Variants in USP10 observed in about 807,000 individuals in gnomAD.
USP10 encodes ubiquitin specific peptidase 10.
USP10 carries 22 observed loss-of-function variants against 84.5 expected under a neutral mutation model. The ratio of observed to expected loss-of-function variants is 0.26; its 90% CI spans 0.19 to 0.37. USP10 has a LOEUF of 0.37. USP10 is among the 10% of genes least tolerant of loss of function. The probability of loss-of-function intolerance (pLI) is 1.00; values close to 1 mark genes in which losing one functional copy is unlikely to be tolerated. For synonymous variants in USP10, 454 were observed against 387.6 expected (o/e 1.17, Z -2.01); for missense variants, 1,019 against 998.9 (o/e 1.02, Z -0.27).
chr16:84,777,970 T>C (rs1292188933), intron 13 of USP10, among the ~76,000 whole-genome samples: 2 of 152,180 alleles, frequency 1.3e-5, no homozygotes, highest in Non-Finnish European at 2.9e-5. Context: ...CTCTGCTCCA[T>C]AGAAGTGGAG....
Position 84,753,902 on chromosome 16 carries a change from A to G in USP10, c.1193-4814A>G, listed in dbSNP as rs540969432. 1.3e-4 allele frequency among the ~76,000 whole-genome samples: 20 copies of G among 152,346 alleles called. 1 individual carries two copies. Among genetic ancestry groups the G allele is most frequent in the African/African-American group, 4.8e-4 (20 of 41,586 alleles). On this transcript the variant is annotated intron_variant, in intron 4 of 13. Transcript: ENST00000219473. ...CTAAGGCATAAGATCAGAAAGGAACAGATGGCAGCTGTTTGTAGGGAGAAG... is the reference window on the plus strand; with the variant it reads ...CTAAGGCATAAGATCAGAAAGGAACGGATGGCAGCTGTTTGTAGGGAGAAG...
intron 1 of USP10, among the ~76,000 whole-genome samples, chr16:84,728,392 T>A (rs544135915): frequency 1.7e-3 from 258 of 151,940 alleles, no homozygotes; most frequent in Non-Finnish European, 2.9e-3. Flanking sequence ...CAGGCTGGAG[T>A]TCAGTGGTGC....
At chr16:84,713,628 A>G (rs1906603711) in intron 1 of USP10, among the ~76,000 whole-genome samples, 1 of 152,138 alleles carries the variant, frequency 6.6e-6, no homozygotes, top group Non-Finnish European at 1.5e-5. Context: ...ATATTTATTA[A>G]CAAACACCTT....
chr16:84,774,767 C>A (rs1428071988), intron 12 of USP10, among the ~76,000 whole-genome samples: 1 of 152,162 alleles, frequency 6.6e-6, no homozygotes, highest in Non-Finnish European at 1.5e-5. Flanking sequence ...CCGTGCCTGG[C>A]CTGTAATTGA....
intron 2 of USP10, among the ~76,000 whole-genome samples, chr16:84,738,335 T>C (rs935050777): frequency 6.6e-6 from 1 of 152,224 alleles, no homozygotes; most frequent in Non-Finnish European, 1.5e-5. Flanking sequence ...CAAAACACTT[T>C]TCATGCCTCA....
intron 1 of USP10, among the ~76,000 whole-genome samples, chr16:84,706,528 TTATATATATTTTTATA>T (rs1905535300): frequency 6.8e-6 from 1 of 147,946 alleles, no homozygotes; most frequent in African/African-American, 2.4e-5. Flanking sequence ...ATTTTTATAT[TTATATATATTTTTATA>T]TATATATATT....
intron 1 of USP10, among the ~76,000 whole-genome samples, chr16:84,722,368 T>A (rs1907924121): frequency 6.6e-6 from 1 of 152,246 alleles, no homozygotes; most frequent in Non-Finnish European, 1.5e-5. Flanking sequence ...TCCCACTGTT[T>A]GAATCTGCTG....
rs950446582 is a variant in USP10, at chr16:84,769,248, T to C, written c.1998+890T>C. ...CATCACATTGCATGACTGGGATGGA[T>C]CTATCCTTGGCTTATCTTGTGTGCT... is the stretch of plus-strand genomic sequence containing the variant. On this transcript the variant is annotated intron_variant, in intron 11 of 13. Transcript: ENST00000219473. Among the ~76,000 whole-genome samples the C allele has an allele frequency of 2.6e-5, 4 of 152,190 alleles. No homozygotes were observed. In the East Asian group the frequency reaches 7.7e-4, roughly 29 times the overall value.
In USP10 at chr16:84,768,362, T is replaced by C. The variant is rs772946804; in HGVS notation, c.1998+4T>C. 1 of 1,577,320 alleles carries C rather than the reference T, an allele frequency of 6.3e-7. No individual in the cohort carries two copies. The highest frequency in any genetic ancestry group is 8.6e-7 in the Non-Finnish European group (1 of 1,158,498). Reference sequence around the variant, plus strand: ...TACCACAAAAACCAAACAAGAGGTATGTTCACACTTGATTTTGAACCTTTC... The same window carrying C: ...TACCACAAAAACCAAACAAGAGGTACGTTCACACTTGATTTTGAACCTTTC... On this transcript the variant is annotated splice_donor_region_variant and intron_variant, in intron 11 of 13. Transcript: ENST00000219473.
chr16:84,731,797 G>C (rs751487860), intron 1 of USP10, among the ~76,000 whole-genome samples: 13 of 151,008 alleles, frequency 8.6e-5, no homozygotes, highest in African/African-American at 1.5e-4. Context: ...GTGATAGTCT[G>C]TGCTAATTTT....
chr16:84,707,404 T>G (rs2150755919), intron 1 of USP10, among the ~76,000 whole-genome samples: 1 of 152,320 alleles, frequency 6.6e-6, no homozygotes, highest in South Asian at 2.1e-4. Context: ...AGACATGCTA[T>G]TTTTAAGACA....
chr16:84,767,171 T>G (rs2150863313), intron 10 of USP10, among the ~76,000 whole-genome samples: 1 of 152,264 alleles, frequency 6.6e-6, no homozygotes, highest in Non-Finnish European at 1.5e-5. Context: ...GCATCTGTTC[T>G]GGAAAGCCTG....
At chr16:84,726,845 C>T (rs1048723116) in intron 1 of USP10, among the ~76,000 whole-genome samples, 3 of 152,216 alleles carry the variant, frequency 2.0e-5, no homozygotes, top group South Asian at 2.1e-4. Context: ...TGTGCCGTCC[C>T]GCCCCTGGGC....
chr16:84,718,149 T>A (rs1247786576), intron 1 of USP10, among the ~76,000 whole-genome samples: 2 of 152,148 alleles, frequency 1.3e-5, no homozygotes, highest in Admixed American at 6.5e-5. Flanking sequence ...AGTGGAGTGT[T>A]GGTAGTGAAA....
chr16:84,758,879 G>C, intron 5 of USP10, 72 bp downstream of exon 5: 1 of 1,119,356 alleles, frequency 8.9e-7, no homozygotes, highest in African/African-American at 1.5e-5. Flanking sequence ...ATGTGACTTA[G>C]CTCAGCTTCC....
chr16:84,763,020 G>C lies in USP10; in HGVS notation c.1586G>C (p.Gly529Ala), dbSNP rs923389724. 5.6e-6 allele frequency: 9 copies of C among 1,611,908 alleles called. No homozygotes were observed. Among genetic ancestry groups the C allele is most frequent in the Non-Finnish European group, 7.6e-6 (9 of 1,178,568 alleles). The change falls in exon 9 of 14, where the codon GGC (glycine) becomes GCC (alanine). Residue 529 changes from glycine (G) to alanine (A), a missense_variant. Gly to Ala is a moderately conservative substitution (Grantham distance 60). Around this residue, in one of 2 missense-constraint regions of USP10, gnomAD observed 787 missense variants for 708.8 expected, o/e 1.11. Transcript: ENST00000219473. ...CAAGAAGATGCTGAGGAATACTTAG[G>C]CTTCATTCTAAATGGACTTCATGAG... ...GRQEDAEEYL[G>A]FILNGLHEEM...
At chr16:84,763,830 C>T (rs1320355079) in intron 9 of USP10, among the ~76,000 whole-genome samples, 3 of 151,814 alleles carry the variant, frequency 2.0e-5, no homozygotes, top group Non-Finnish European at 4.4e-5. Context: ...GACGTTGTGC[C>T]TGTTGGGATT....
intron 1 of USP10, among the ~76,000 whole-genome samples, chr16:84,713,584 C>T (rs1331008137): frequency 6.6e-6 from 1 of 152,142 alleles, no homozygotes; most frequent in Non-Finnish European, 1.5e-5. Flanking sequence ...ACTGCTGGGG[C>T]CCCTAGTCCT....
chr16:84,762,158 G>A (rs1204581902), intron 8 of USP10, among the ~76,000 whole-genome samples: 1 of 152,220 alleles, frequency 6.6e-6, no homozygotes, highest in African/African-American at 2.4e-5. Context: ...TTTTGCTGAT[G>A]TATGTGTAAC....
Sources: gnomAD v4.1 joint callset for allele counts (sites outside exome capture counted in the v4.1 genomes callset) on GRCh38, gnomAD v4.1.1 for gene constraint, gnomAD v4.1.1 regional missense constraint, MANE v1.5 for transcripts, NCBI Gene and HGNC (gene_info 2026-07-23, HGNC 2026-07-21) for gene names.